The following SVIL variants were observed in gnomAD, a reference collection of about 807,000 sequenced individuals.
SVIL encodes the protein archvillin.
In SVIL, 101 loss-of-function variants were observed where a neutral mutation model predicts 240.4. That is an observed-to-expected ratio of 0.42 (90% CI 0.36 to 0.50). The LOEUF is 0.50. Among genes scored for constraint, SVIL ranks in the 20% least tolerant of loss-of-function variants. The pLI is 0.01. For missense variants in SVIL, 2,512 were observed against 2,818.7 expected, an observed-to-expected ratio of 0.89 and a Z score of 2.46; for synonymous variants, 999 against 1,100.0, an observed-to-expected ratio of 0.91 and a Z score of 1.82.
At chr10:29,726,131 A>G (rs1051557451) in intron 1 of SVIL, among the ~76,000 whole-genome samples, 1 of 152,056 alleles carries the variant, frequency 6.6e-6, no homozygotes, top group Non-Finnish European at 1.5e-5. Context: ...TAAGTTGCCC[A>G]GGCTGGTCTC....
At chr10:29,522,684 T>C in intron 15 of SVIL, 49 bp from the exon 16 acceptor site, 10 of 1,577,454 alleles carry the variant, frequency 6.3e-6, no homozygotes, top group Non-Finnish European at 8.6e-6. Context: ...AGGCAAACAT[T>C]CTTCCAGCGA....
At chr10:29,694,267 GC>G (rs1254406051) in intron 1 of SVIL, among the ~76,000 whole-genome samples, 1 of 149,318 alleles carries the variant, frequency 6.7e-6, no homozygotes, top group Non-Finnish European at 1.5e-5. Flanking sequence ...TCTTAAATTA[GC>G]CAGGCATGGT....
At chr10:29,726,418 G>C (rs1340789925) in intron 1 of SVIL, among the ~76,000 whole-genome samples, 3 of 152,118 alleles carry the variant, frequency 2.0e-5, no homozygotes, top group African/African-American at 7.2e-5. Flanking sequence ...CCTCATTTGA[G>C]GTACTTAACC....
At chr10:29,686,807 G>A (rs533235445) in intron 1 of SVIL, among the ~76,000 whole-genome samples, 1 of 152,254 alleles carries the variant, frequency 6.6e-6, no homozygotes, top group African/African-American at 2.4e-5. Context: ...CATATGACCA[G>A]CACAGTAGGA....
chr10:29,471,292 A>G, intron 30 of SVIL, 49 bp from the exon 31 acceptor site: 1 of 1,443,728 alleles, frequency 6.9e-7, no homozygotes, highest in South Asian at 1.3e-5. Flanking sequence ...GGGCTTTCAA[A>G]GTCCTAAAAA....
chr10:29,532,428 T>C, intron 8 of SVIL, 101 bp downstream of exon 8: 3 of 1,480,500 alleles, frequency 2.0e-6, no homozygotes, highest in Non-Finnish European at 2.7e-6. Flanking sequence ...TGAGCTAAGC[T>C]AATATGATTC....
At chr10:29,669,643 TG>T (rs542569157) in intron 2 of SVIL, among the ~76,000 whole-genome samples, 95 of 152,288 alleles carry the variant, frequency 6.2e-4, no homozygotes, top group South Asian at 5.2e-3. Context: ...ATGATGGCCC[TG>T]GGCTGGGAGG....
At chr10:29,481,205 A>G (rs1946809474) in intron 28 of SVIL, among the ~76,000 whole-genome samples, 1 of 145,382 alleles carries the variant, frequency 6.9e-6, no homozygotes, top group Non-Finnish European at 1.5e-5. Context: ...TTTTTTTTTA[A>G]TTAAAAAAGT....
intron 1 of SVIL, among the ~76,000 whole-genome samples, chr10:29,703,590 C>T (rs1268211178): frequency 6.6e-6 from 1 of 152,222 alleles, no homozygotes; most frequent in Non-Finnish European, 1.5e-5. Flanking sequence ...GGCCTGGGGC[C>T]AGCAGACTCG....
chr10:29,700,866 T>C (rs1589541357), intron 1 of SVIL, among the ~76,000 whole-genome samples: 1 of 152,186 alleles, frequency 6.6e-6, no homozygotes, highest in South Asian at 2.1e-4. Flanking sequence ...TATTTGAGTA[T>C]TAACAAAAAC....
intron 17 of SVIL, chr10:29,508,160 A>G (rs1949518145): frequency 3.0e-6 from 1 of 338,156 alleles, no homozygotes. Context: ...TCATTACATG[A>G]TTAAAAAATA....
chr10:29,473,539 C>A, intron 30 of SVIL: 1 of 431,994 alleles, frequency 2.3e-6, no homozygotes, highest in Non-Finnish European at 4.2e-6. Context: ...CTTACAGTGC[C>A]TTGATTGGTT....
At chr10:29,504,467 T>C (rs563287047) in intron 17 of SVIL, among the ~76,000 whole-genome samples, 39 of 152,242 alleles carry the variant, frequency 2.6e-4, no homozygotes, top group African/African-American at 9.1e-4. Context: ...ACCCCAAATA[T>C]ACAAAGAACT....
intron 1 of SVIL, among the ~76,000 whole-genome samples, chr10:29,572,064 A>C (rs1306097255): frequency 1.3e-5 from 2 of 152,180 alleles, no homozygotes; most frequent in African/African-American, 2.4e-5. Flanking sequence ...AAAGCTAGAG[A>C]TCTCCTTCTA....
At chr10:29,510,443 C>A (rs1949745056) in intron 17 of SVIL, among the ~76,000 whole-genome samples, 1 of 151,206 alleles carries the variant, frequency 6.6e-6, no homozygotes, top group Non-Finnish European at 1.5e-5. Flanking sequence ...ATGGAAGGAA[C>A]TTCTAGAGTC....
In SVIL at chr10:29,533,436, C is replaced by T. The variant is rs555223198; in HGVS notation, c.931G>A (p.Val311Met). 19 of 1,612,918 alleles carry T rather than the reference C, an allele frequency of 1.2e-5. No homozygotes were observed. Among genetic ancestry groups the T allele is most frequent in the African/African-American group, 8.0e-5 (6 of 74,970 alleles). Reference protein sequence around the residue: ...PSRVKVREKLVKEESARNSPE... With the variant: ...PSRVKVREKLMKEESARNSPE... ...CTGTTTCGAGCACTTTCCTCTTTCA[C>T]CAATTTTTCTCTAACTTTAACTCTT... Residue 311 changes from valine to methionine, a missense_variant, in exon 8 of 38, where the codon GTG (valine) becomes ATG (methionine). Physicochemically the swap from Val to Met is conservative, Grantham distance 21. Transcript: ENST00000355867.
At chr10:29,688,028 G>T (rs1215928983) in intron 1 of SVIL, among the ~76,000 whole-genome samples, 1 of 152,146 alleles carries the variant, frequency 6.6e-6, no homozygotes, top group African/African-American at 2.4e-5. Flanking sequence ...TGCAGAAGCA[G>T]CAATGACACT....
Position 29,493,317 on chromosome 10 carries a change from C to T in SVIL, c.3916G>A (p.Glu1306Lys). 2 of 1,614,168 alleles carry T rather than the reference C, an allele frequency of 1.2e-6. No homozygotes were observed. Among genetic ancestry groups the T allele is most frequent in the Admixed American group, 1.7e-5 (1 of 60,020 alleles). ...CTGCGGTAAAATTTGGCAAAGGTTT[C>T]ATCATCATCTGGCTTCATCACCTCC... ...VKEVMKPDDD[E>K]TFAKFYRSVD... Residue 1306 changes from glutamate to lysine, a missense_variant, in exon 21 of 38, where the codon GAA becomes AAA. Physicochemically the swap from Glu to Lys is moderately conservative, Grantham distance 56 (BLOSUM62 1). Transcript: ENST00000355867.
At chr10:29,526,407 C>A (rs112092580) in intron 13 of SVIL, among the ~76,000 whole-genome samples, 22,278 of 148,134 alleles carry the variant, frequency 0.15, 2,447 homozygotes, top group African/African-American at 0.31. Flanking sequence ...CAGGTTCAAG[C>A]GATTCTCCTG....
Sources: allele counts gnomAD v4.1 joint callset (sites outside exome capture counted in the v4.1 genomes callset), GRCh38; gene constraint gnomAD v4.1.1; transcripts MANE v1.5; gene names NCBI Gene and HGNC (gene_info 2026-07-23, HGNC 2026-07-21).